NRG1: variants seen among roughly 807,000 people sequenced by gnomAD.
The protein encoded by NRG1 is pro-neuregulin-1, membrane-bound isoform.
In NRG1, 18 loss-of-function variants were observed where a neutral mutation model predicts 63.8. The ratio of observed to expected loss-of-function variants is 0.28; its 90% CI spans 0.19 to 0.42. The LOEUF is 0.42. Ranked by LOEUF, NRG1 falls within the 10% of genes least tolerant of loss-of-function variation. The pLI is 1.00. For missense variants in NRG1, 762 were observed against 814.7 expected (o/e 0.94, Z 0.79); for synonymous variants, 302 against 301.3 (o/e 1.00, Z -0.02).
intron 1 of NRG1, among the ~76,000 whole-genome samples, chr8:31,801,956 G>T (rs915218153): frequency 3.3e-5 from 5 of 152,178 alleles, no homozygotes; most frequent in African/African-American, 4.8e-5. Context: ...TGATCTGTGT[G>T]CTTTGCTGCC....
At chr8:32,589,697 A>G (rs1308445363) in intron 1 of NRG1, among the ~76,000 whole-genome samples, 2 of 152,224 alleles carry the variant, frequency 1.3e-5, no homozygotes, top group Admixed American at 6.5e-5. Flanking sequence ...TCTGCAGCAG[A>G]CACATGCTAA....
chr8:31,692,242 T>G (rs747502431), intron 1 of NRG1, among the ~76,000 whole-genome samples: 2 of 152,226 alleles, frequency 1.3e-5, no homozygotes, highest in Non-Finnish European at 2.9e-5. Flanking sequence ...ATAGAAGAAT[T>G]TCTAAAGTCA....
At chr8:31,683,965 C>T (rs986183799) in intron 1 of NRG1, among the ~76,000 whole-genome samples, 13 of 152,132 alleles carry the variant, frequency 8.5e-5, no homozygotes, top group Non-Finnish European at 1.3e-4. Flanking sequence ...GAGAATTAAA[C>T]ATTTTTCATA....
intron 1 of NRG1, among the ~76,000 whole-genome samples, chr8:32,588,869 G>A (rs2129535204): frequency 6.6e-6 from 1 of 152,294 alleles, no homozygotes; most frequent in South Asian, 2.1e-4. Flanking sequence ...TTCCTCAGTA[G>A]TCAGGGACAA....
intron 1 of NRG1, among the ~76,000 whole-genome samples, chr8:32,021,775 A>G (rs1374687441): frequency 6.6e-6 from 1 of 152,184 alleles, no homozygotes; most frequent in East Asian, 1.9e-4. Flanking sequence ...GACATACAAC[A>G]TTTACCCTAA....
At position 32,600,158 on chromosome 8, in the gene NRG1, T is replaced by C. The variant is rs562021057; in HGVS notation, c.278+4153T>C. ...TCTTTTAGCCAAGCACAGTGGTGTG[T>C]ACCTGCAGTCCCTGCTACTGAGGAT... On this transcript the variant is annotated intron_variant, in intron 2 of 11. Coordinates refer to ENST00000356819, the Ensembl canonical transcript of NRG1. 4.6e-5 allele frequency among the ~76,000 whole-genome samples: 7 copies of C among 152,210 alleles called. No individual in the cohort carries two copies. In the East Asian group the frequency reaches 1.2e-3, roughly 25 times the overall value.
At chr8:32,751,740 G>A (rs1828779002) in intron 7 of NRG1, among the ~76,000 whole-genome samples, 1 of 152,098 alleles carries the variant, frequency 6.6e-6, no homozygotes, top group Non-Finnish European at 1.5e-5. Flanking sequence ...CCTTTACTGA[G>A]CTACCTCTTT....
At chr8:32,760,846 T>A (rs756345370) in intron 11 of NRG1, 5 of 1,004,070 alleles carry the variant, frequency 5.0e-6, no homozygotes, top group Non-Finnish European at 1.2e-6. Flanking sequence ...GCTAACCCTG[T>A]CTTACCTTCC....
At chr8:32,745,098 G>A (rs1029875902) in intron 7 of NRG1, among the ~76,000 whole-genome samples, 18 of 152,110 alleles carry the variant, frequency 1.2e-4, no homozygotes, top group African/African-American at 3.9e-4. Context: ...TTGTCTTACC[G>A]AGAGTTTTTT....
chr8:32,325,228 T>C (rs565865229), intron 1 of NRG1, among the ~76,000 whole-genome samples: 2 of 152,204 alleles, frequency 1.3e-5, no homozygotes, highest in Admixed American at 6.5e-5. Context: ...TTTATTGCAA[T>C]GTTTTACTAG....
intron 5 of NRG1, among the ~76,000 whole-genome samples, chr8:32,718,347 G>A (rs995829410): frequency 6.6e-6 from 1 of 152,154 alleles, no homozygotes; most frequent in Non-Finnish European, 1.5e-5. Flanking sequence ...TAAATATAAA[G>A]TAGTGTCATT....
At chr8:31,795,694 A>C (rs1821136946) in intron 1 of NRG1, among the ~76,000 whole-genome samples, 1 of 152,070 alleles carries the variant, frequency 6.6e-6, no homozygotes, top group African/African-American at 2.4e-5. Context: ...TTGATATTAC[A>C]CATTCATCCA....
At chr8:32,052,704 C>G (rs1007506934) in intron 1 of NRG1, among the ~76,000 whole-genome samples, 9 of 152,184 alleles carry the variant, frequency 5.9e-5, no homozygotes, top group African/African-American at 1.9e-4. Context: ...CTTAGTTTAC[C>G]TTGCTTTTGT....
intron 1 of NRG1, among the ~76,000 whole-genome samples, chr8:31,728,457 G>A (rs988378113): frequency 1.3e-5 from 2 of 152,110 alleles, no homozygotes; most frequent in South Asian, 2.1e-4. Context: ...AAAATGTTAC[G>A]TAGTATTCAT....
intron 7 of NRG1, among the ~76,000 whole-genome samples, chr8:32,747,856 C>T (rs1165241399): frequency 6.6e-6 from 1 of 151,262 alleles, no homozygotes; most frequent in Non-Finnish European, 1.5e-5. Flanking sequence ...GGCTAGTTAA[C>T]GAGAATACAG....
chr8:31,710,540 C>T (rs1389723445), intron 1 of NRG1, among the ~76,000 whole-genome samples: 1 of 151,844 alleles, frequency 6.6e-6, no homozygotes, highest in Admixed American at 6.6e-5. Context: ...GAACATTTTG[C>T]TATTCATAAC....
At chr8:32,519,423 AT>A (rs57992377) in intron 1 of NRG1, among the ~76,000 whole-genome samples, 40,587 of 149,010 alleles carry the variant, frequency 0.27, 5,816 homozygotes, top group South Asian at 0.35. Flanking sequence ...CGTATAACTG[AT>A]TTTTTTTTTT....
intron 1 of NRG1, among the ~76,000 whole-genome samples, chr8:32,379,185 A>AT (rs1482128767): frequency 6.6e-6 from 1 of 152,016 alleles, no homozygotes; most frequent in Non-Finnish European, 1.5e-5. Context: ...ACCTTGACAG[A>AT]TTTTTTTCTG....
chr8:32,190,702 C>T (rs1446444800), intron 1 of NRG1, among the ~76,000 whole-genome samples: 3 of 152,082 alleles, frequency 2.0e-5, no homozygotes, highest in African/African-American at 4.8e-5. Context: ...GTGATTTTAC[C>T]GTATTTGCAA....
Sources: allele counts gnomAD v4.1 joint callset (sites outside exome capture counted in the v4.1 genomes callset), GRCh38; gene constraint gnomAD v4.1.1; transcripts MANE v1.5; gene names NCBI Gene and HGNC (gene_info 2026-07-23, HGNC 2026-07-21).